The following UBA2 variants were observed in gnomAD, a reference collection of about 807,000 sequenced individuals.
UBA2 encodes SUMO-activating enzyme subunit 2.
UBA2 carries 11 observed loss-of-function variants against 77.2 expected under a neutral mutation model. That is an observed-to-expected ratio of 0.14 (90% CI 0.09 to 0.24). The LOEUF is 0.24. Ranked by LOEUF, UBA2 falls within the 10% of genes least tolerant of loss-of-function variation. UBA2 has a pLI of 1.00. For synonymous variants in UBA2, 278 were observed against 276.7 expected (o/e 1.00, Z -0.05); for missense variants, 487 against 781.7 (o/e 0.62, Z 4.50).
rs558428445 is a variant in UBA2 at position 34,447,343 on chromosome 19, A to G, written c.771+2222A>G. Among the ~76,000 whole-genome samples the G allele has an allele frequency of 2.0e-3, 300 of 152,348 alleles. 10 individuals carry two copies. Among genetic ancestry groups the G allele is most frequent in the Admixed American group, 0.019 (294 of 15,298 alleles). ...TAATGTCTTTTGGCAACACCCTCACACACACACCCAAGACCAGTACTTTGC... is the reference window on the plus strand; with the variant it reads ...TAATGTCTTTTGGCAACACCCTCACGCACACACCCAAGACCAGTACTTTGC... On this transcript the variant is annotated intron_variant, in intron 8 of 16. Transcript: ENST00000246548.
rs1173099255 is a variant in UBA2, at chr19:34,428,390, T to G, written c.-43T>G. 3.2e-6 allele frequency: 4 copies of G among 1,232,390 alleles called. No homozygotes were observed. Among genetic ancestry groups the G allele is most frequent in the Non-Finnish European group, 4.1e-6 (4 of 987,116 alleles). 76.3% of individuals were successfully genotyped at this position (1,232,390 alleles called of 1,614,324 possible). On this transcript the variant is annotated 5_prime_UTR_variant, in exon 1 of 17. Transcript: ENST00000246548. ...CCACCCGCTTCCGGCCGCGGCTCGG[T>G]TCTCCCGCCTCCGCCTCCGCCGCGG...
At chr19:34,431,769 A>G (rs2075258482) in intron 2 of UBA2, 92 bp from the exon 3 acceptor site, 12 of 1,080,038 alleles carry the variant, frequency 1.1e-5, no homozygotes, top group Non-Finnish European at 1.4e-5. Flanking sequence ...ATAAGGTACT[A>G]TGTAAGTAGA....
At chr19:34,435,772 G>A (rs1350162092) in intron 5 of UBA2, among the ~76,000 whole-genome samples, 1 of 151,402 alleles carries the variant, frequency 6.6e-6, no homozygotes, top group Non-Finnish European at 1.5e-5. Context: ...GGAGGTTACA[G>A]TGAGCCAAGA....
intron 10 of UBA2, among the ~76,000 whole-genome samples, chr19:34,452,514 T>A (rs1004531236): frequency 1.3e-5 from 2 of 152,244 alleles, no homozygotes; most frequent in Non-Finnish European, 2.9e-5. Flanking sequence ...TTGAAAATAG[T>A]AAGATTGTCT....
chr19:34,451,570 CAG>C (rs1455844945), intron 9 of UBA2, among the ~76,000 whole-genome samples: 3 of 87,368 alleles, frequency 3.4e-5, no homozygotes, highest in African/African-American at 4.4e-5. Context: ...TTTTTTGAGA[CAG>C]AGTCTTGCTC....
At chr19:34,438,057 G>A (rs1266423911) in intron 5 of UBA2, among the ~76,000 whole-genome samples, 2 of 151,910 alleles carry the variant, frequency 1.3e-5, no homozygotes, top group South Asian at 2.1e-4. Flanking sequence ...TCTCCCCACC[G>A]CCAAAAAGAA....
At chr19:34,448,029 C>G (rs961940494) in intron 8 of UBA2, among the ~76,000 whole-genome samples, 9 of 152,174 alleles carry the variant, frequency 5.9e-5, no homozygotes, top group Non-Finnish European at 1.2e-4. Context: ...GAGGTCAGAT[C>G]AGGCAGACTT....
chr19:34,444,028 CAT>C (rs1208756655), intron 7 of UBA2, 117 bp downstream of exon 7: 20 of 278,618 alleles, frequency 7.2e-5, no homozygotes, highest in African/African-American at 1.3e-4. Flanking sequence ...GTGTGTTTAA[CAT>C]GTGTTTTTTT....
In UBA2 at chr19:34,431,887, T is replaced by G. The variant is rs1291014387; in HGVS notation, c.249T>G (p.Phe83Leu). 1.2e-6 allele frequency: 2 copies of G among 1,613,870 alleles called. No individual in the cohort carries two copies. Among genetic ancestry groups the G allele is most frequent in the Non-Finnish European group, 1.7e-6 (2 of 1,179,954 alleles). The stretch of plus-strand genomic sequence containing the variant: ...TTGCCAAGGAAAGTGTACTGCAGTT[T>G]TACCCGAAAGCTAATATCGTTGCCT... ...AQVAKESVLQ[F>L]YPKANIVAYH... The change falls in exon 3 of 17, where the codon TTT (phenylalanine) becomes TTG (leucine). Residue 83 changes from phenylalanine to leucine, a missense_variant. Phe to Leu is a conservative substitution (Grantham distance 22). Transcript: ENST00000246548.
chr19:34,449,358 C>T (rs35024640), intron 8 of UBA2, among the ~76,000 whole-genome samples: 34,810 of 152,062 alleles, frequency 0.23, 4,583 homozygotes, highest in East Asian at 0.62. Context: ...TGAGCCACCA[C>T]GCCTGGCCAG....
chr19:34,460,428 TA>T (rs1402457824), intron 13 of UBA2, 41 bp from the exon 14 acceptor site: 1 of 1,258,358 alleles, frequency 7.9e-7, no homozygotes, highest in South Asian at 1.4e-5. Context: ...GATCTTTAAT[TA>T]CCTACGTTAA....
intron 4 of UBA2, among the ~76,000 whole-genome samples, chr19:34,434,546 G>GT (rs2075289579): frequency 2.0e-5 from 3 of 152,170 alleles, no homozygotes; most frequent in Non-Finnish European, 2.9e-5. Flanking sequence ...TAGAATAGTG[G>GT]TGAGTTTAGG....
intron 8 of UBA2, among the ~76,000 whole-genome samples, chr19:34,447,573 T>G (rs2075445647): frequency 6.6e-6 from 1 of 152,226 alleles, no homozygotes; most frequent in Non-Finnish European, 1.5e-5. Flanking sequence ...GCAGATAATT[T>G]TAAACATCTG....
chr19:34,455,972 T>C (rs2075554244), intron 12 of UBA2, among the ~76,000 whole-genome samples: 1 of 151,854 alleles, frequency 6.6e-6, no homozygotes, highest in African/African-American at 2.4e-5. Context: ...TGATGGGGTC[T>C]TGCTATGTTG....
chr19:34,433,282 A>G, intron 3 of UBA2, 66 bp from the exon 4 acceptor site: 1 of 1,143,306 alleles, frequency 8.7e-7, no homozygotes, highest in Non-Finnish European at 1.3e-6. Context: ...AGAACTGTTT[A>G]TTATACTGCA....
Position 34,460,456 on chromosome 19 carries a change from T to G in UBA2, c.1402-14T>G. 4 of 1,488,842 alleles carry G rather than the reference T, an allele frequency of 2.7e-6. No individual in the cohort carries two copies. The highest frequency in any genetic ancestry group is 3.6e-6 in the Non-Finnish European group (4 of 1,103,670). The allele number at this position is 1,488,842 out of a possible 1,614,324, so 92.2% of individuals were successfully genotyped here. A position where few individuals can be genotyped will look rare whatever the true frequency, so the allele number is the denominator to read the frequency against. On this transcript the variant is annotated splice_polypyrimidine_tract_variant and intron_variant, in intron 13 of 16. Transcript: ENST00000246548. Reference sequence around the variant, plus strand: ...CTACGTTAATATTTTGAATCCTTTTTTTTTTTTTTGTAGATAGTGAAAGAA... The same window carrying G: ...CTACGTTAATATTTTGAATCCTTTTGTTTTTTTTTGTAGATAGTGAAAGAA...
intron 2 of UBA2, among the ~76,000 whole-genome samples, chr19:34,431,255 T>C (rs922094560): frequency 1.5e-5 from 2 of 136,442 alleles, no homozygotes; most frequent in African/African-American, 5.4e-5. Flanking sequence ...TTTTTTTTTT[T>C]TTTTTTTTTT....
chr19:34,454,408 C>T (rs2075535695), intron 11 of UBA2, 36 bp from the exon 12 acceptor site: 13 of 1,569,932 alleles, frequency 8.3e-6, no homozygotes, highest in Non-Finnish European at 1.1e-5. Flanking sequence ...GTTTTTTAAA[C>T]AGTGAAACAT....
chr19:34,435,680 A>G (rs2145496415), intron 5 of UBA2, among the ~76,000 whole-genome samples: 1 of 152,214 alleles, frequency 6.6e-6, no homozygotes, highest in Non-Finnish European at 1.5e-5. Context: ...AAATACAAAA[A>G]TTAGCTGGGT....
Sources: gnomAD v4.1 joint callset for allele counts (sites outside exome capture counted in the v4.1 genomes callset) on GRCh38, gnomAD v4.1.1 for gene constraint, MANE v1.5 for transcripts, NCBI Gene and HGNC (gene_info 2026-07-23, HGNC 2026-07-21) for gene names.